ZNF662: variants seen among roughly 807,000 people sequenced by gnomAD.
ZNF662 encodes the protein zinc finger protein 662.
A neutral mutation model predicts 12.4 loss-of-function variants in ZNF662; 14 were observed. That is an observed-to-expected ratio of 1.13 (90% CI 0.75 to 1.77). The LOEUF (loss-of-function observed/expected upper bound fraction) is 1.77. ZNF662 is among the 40% of genes most tolerant of loss of function. ZNF662 has a pLI of 0.00. For synonymous variants in ZNF662, 184 were observed against 176.4 expected (o/e 1.04, Z -0.34); for missense variants, 550 against 515.6 (o/e 1.07, Z -0.65).
Position 42,915,841 on chromosome 3 carries a change from A to G in ZNF662, c.*487A>G, listed in dbSNP as rs1170867079. 1 of 150,564 alleles carries G rather than the reference A, an allele frequency of 6.6e-6. No individual in the cohort carries two copies. The highest frequency in any genetic ancestry group is 1.5e-5 in the Non-Finnish European group (1 of 67,712). The allele number at this position is 150,564 out of a possible 1,614,324, so 9.3% of individuals were successfully genotyped here. ...CTTTTAGTTTCCCTTCATCACTCAG[A>G]TCTAGCTCCTTCAACTAAGAAGATC... On this transcript the variant is annotated 3_prime_UTR_variant, in exon 5 of 5. Coordinates refer to ENST00000440367, the MANE Select transcript of ZNF662 (RefSeq NM_207404.4).
chr3:42,912,804 G>A (rs546410237), intron 3 of ZNF662, among the ~76,000 whole-genome samples: 1 of 143,018 alleles, frequency 7.0e-6, no homozygotes, highest in South Asian at 2.2e-4. Flanking sequence ...CAGTGACACA[G>A]TCTCGGCTCA....
At chr3:42,910,981 G>A (rs1386496135) in intron 3 of ZNF662, among the ~76,000 whole-genome samples, 3 of 152,182 alleles carry the variant, frequency 2.0e-5, no homozygotes, top group South Asian at 2.1e-4. Context: ...CTCTGTCTCC[G>A]TATGTGTTGG....
In ZNF662 at chr3:42,908,832, T is replaced by C. The variant is rs760003564; in HGVS notation, c.74T>C (p.Leu25Pro). 3.7e-6 allele frequency: 6 copies of C among 1,614,164 alleles called. No individual in the cohort carries two copies. Among genetic ancestry groups the C allele is most frequent in the Non-Finnish European group, 2.5e-6 (3 of 1,180,010 alleles). The change falls in exon 3 of 5, where the codon CTG becomes CCG. Residue 25 changes from leucine (L) to proline (P), a missense_variant. Coordinates refer to ENST00000440367, the MANE Select transcript of ZNF662 (RefSeq NM_207404.4). ...CCCAAACCGGCTCTGATTTCCCAGC[T>C]GGAGCGAGGGGAAACACCCTGGTGC... ...PFPKPALISQ[L>P]ERGETPWCSV...
rs368755947 is a variant in ZNF662, at chr3:42,914,786, A to T, written c.713A>T (p.His238Leu). The T allele has an allele frequency of 1.2e-6, 2 of 1,614,156 alleles. No individual in the cohort carries two copies. The change falls in exon 5 of 5, where the codon CAT (histidine) becomes CTT (leucine). Residue 238 changes from histidine (H) to leucine (L), a missense_variant. Physicochemically the swap from His to Leu is moderately conservative, Grantham distance 99. Coordinates refer to ENST00000440367, the MANE Select transcript of ZNF662 (RefSeq NM_207404.4). ...AGTTTTCGATCACATTGCATTGCAC[A>T]TCAGAGAATTCACAGTGGGGTGAAA... ...AFSFRSHCIA[H>L]QRIHSGVKPY...
chr3:42,912,720 A>ATTTTTTATATATATAGATATATATATATT (rs2088841576), intron 3 of ZNF662, among the ~76,000 whole-genome samples: 1 of 66,430 alleles, frequency 1.5e-5, no homozygotes, highest in Non-Finnish European at 2.8e-5. Context: ...ATATATATAT[A>ATTTTTTATATATATAGATATATATATATT]TTTTTTATAT....
At chr3:42,910,687 C>T (rs965452433) in intron 3 of ZNF662, among the ~76,000 whole-genome samples, 8 of 152,302 alleles carry the variant, frequency 5.3e-5, no homozygotes, top group South Asian at 4.1e-4. Flanking sequence ...GACTTTCTTA[C>T]TCTTAGTTTC....
rs1399079359 is a variant in ZNF662, at chr3:42,917,586, G to T, written c.*2232G>T. Reference sequence around the variant, plus strand: ...GCCACTAGACCAAGCTTTACCTGAAGCAGAGCTACCTCAGAACTTTTCAGC... The same window carrying T: ...GCCACTAGACCAAGCTTTACCTGAATCAGAGCTACCTCAGAACTTTTCAGC... On this transcript the variant is annotated 3_prime_UTR_variant, in exon 5 of 5. Coordinates refer to ENST00000440367, the MANE Select transcript of ZNF662 (RefSeq NM_207404.4). 18 of 700,402 alleles carry T rather than the reference G, an allele frequency of 2.6e-5. No individual in the cohort carries two copies. The highest frequency in any genetic ancestry group is 4.4e-5 in the Non-Finnish European group (17 of 384,402). 43.4% of individuals were successfully genotyped at this position (700,402 alleles called of 1,614,324 possible).
rs760981387 is a variant in ZNF662 at position 42,915,239 on chromosome 3, A to T, written c.1166A>T (p.Lys389Ile). The change falls in exon 5 of 5, where the codon AAA (lysine) becomes ATA (isoleucine). Residue 389 changes from lysine (K) to isoleucine (I), a missense_variant. Lys to Ile is a moderately radical substitution (Grantham distance 102). Transcript: ENST00000440367. The stretch of plus-strand genomic sequence containing the variant: ...ATCCATACTGGGGAAAGACCCTATA[A>T]ATGTAATGACTGTGGGAAGGCCTTC... ...QRIHTGERPY[K>I]CNDCGKAFSQ... is the part of the protein sequence containing the mutation. 1 of 1,613,928 alleles carries T rather than the reference A, an allele frequency of 6.2e-7. No individual in the cohort carries two copies. The highest frequency in any genetic ancestry group is 1.1e-5 in the South Asian group (1 of 91,060).
chr3:42,907,933 C>A, intron 1 of ZNF662, 89 bp from the exon 2 acceptor site: 1 of 1,504,958 alleles, frequency 6.6e-7, no homozygotes. Flanking sequence ...CCACAGGCAC[C>A]CCCACAGTAC....
rs1402176646 is a variant in ZNF662 at position 42,908,350 on chromosome 3, C to G, written c.34+202C>G. ...GGGCCTTATACAGGACTTCCTTGCT[C>G]CAGAGTGAGAGGTGCCAAACCCCTA... On this transcript the variant is annotated intron_variant, in intron 2 of 4. Coordinates refer to ENST00000440367, the MANE Select transcript of ZNF662 (RefSeq NM_207404.4). 16 of 1,357,822 alleles carry G rather than the reference C, an allele frequency of 1.2e-5. No individual in the cohort carries two copies. The East Asian group carries it at 2.1e-4, about 18-fold the overall frequency. 84.1% of individuals were successfully genotyped at this position (1,357,822 alleles called of 1,614,324 possible). A position where few individuals can be genotyped will look rare whatever the true frequency, so the allele number is the denominator to read the frequency against.
At chr3:42,913,103 A>C in intron 3 of ZNF662, 98 bp from the exon 4 acceptor site, 2 of 801,722 alleles carry the variant, frequency 2.5e-6, no homozygotes, top group Non-Finnish European at 4.2e-6. Flanking sequence ...CTTTTCACCC[A>C]CCTTTATTCT....
chr3:42,909,838 G>A (rs551212039), intron 3 of ZNF662, among the ~76,000 whole-genome samples: 18 of 151,580 alleles, frequency 1.2e-4, no homozygotes, highest in East Asian at 7.9e-4. Context: ...ACGGGGTCGC[G>A]GCCAGGCAGA....
At chr3:42,913,337 T>C (rs1361370627) in intron 4 of ZNF662, 35 bp downstream of exon 4, 1 of 1,507,344 alleles carries the variant, frequency 6.6e-7, no homozygotes, top group African/African-American at 1.4e-5. Context: ...CTTCTCTCAG[T>C]CACATCTTTT....
rs1356114965 is a variant in ZNF662 at position 42,915,343 on chromosome 3, C to A, written c.1270C>A (p.Leu424Ile). ...KPYNCQISHL[L>I]EH ...CTATAACTGTCAGATCTCTCACCTT[C>A]TTGAACATTAGAGAGTGCATAATGG... Residue 424 changes from leucine to isoleucine, a missense_variant, in exon 5 of 5, where the codon CTT (leucine) becomes ATT (isoleucine). Physicochemically the swap from Leu to Ile is conservative, Grantham distance 5. Coordinates refer to ENST00000440367, the MANE Select transcript of ZNF662 (RefSeq NM_207404.4). 1.3e-6 allele frequency: 2 copies of A among 1,566,150 alleles called. No individual in the cohort carries two copies. The highest frequency in any genetic ancestry group is 1.9e-5 in the Admixed American group (1 of 53,094).
intron 3 of ZNF662, among the ~76,000 whole-genome samples, chr3:42,910,959 C>G (rs9311329): frequency 6.6e-6 from 1 of 152,160 alleles, no homozygotes; most frequent in South Asian, 2.1e-4. Context: ...TTGATCAGAA[C>G]TACATTCTCT....
rs2088718872 is a variant in ZNF662 at position 42,908,621 on chromosome 3, G to T, written c.35-172G>T. On this transcript the variant is annotated intron_variant, in intron 2 of 4. Transcript: ENST00000440367. ...GTCGTCTGTCAACTTCCTGACCTTT[G>T]TAAGTCTCCTGGCCCCTCTCTTGTC... 7.6e-6 allele frequency: 11 copies of T among 1,454,940 alleles called. No individual in the cohort carries two copies. In the East Asian group the frequency reaches 2.4e-4, roughly 32 times the overall value. The allele number at this position is 1,454,940 out of a possible 1,614,324, so 90.1% of individuals were successfully genotyped here.
chr3:42,916,526 G>C lies in ZNF662; in HGVS notation c.*1172G>C, dbSNP rs1366000361. On this transcript the variant is annotated 3_prime_UTR_variant, in exon 5 of 5. Coordinates refer to ENST00000440367, the MANE Select transcript of ZNF662 (RefSeq NM_207404.4). ...ACTACAGGTGCCCGCCACCATGCCT[G>C]GCTAATATTTTTTATTTTTAGTAGA... 1 of 151,920 alleles carries C rather than the reference G, an allele frequency of 6.6e-6. No homozygotes were observed. Among genetic ancestry groups the C allele is most frequent in the Non-Finnish European group, 1.5e-5 (1 of 68,082 alleles). 9.4% of individuals were successfully genotyped at this position (151,920 alleles called of 1,614,324 possible).
chr3:42,913,110 T>G, intron 3 of ZNF662, 91 bp from the exon 4 acceptor site: 1 of 872,092 alleles, frequency 1.1e-6, no homozygotes, highest in Non-Finnish European at 1.9e-6. Context: ...CCCACCTTTA[T>G]TCTCTCCCTA....
chr3:42,912,627 ATATT>A (rs1336032214), intron 3 of ZNF662, among the ~76,000 whole-genome samples: 15 of 93,698 alleles, frequency 1.6e-4, no homozygotes, highest in Admixed American at 4.8e-4. Flanking sequence ...TATAAAATAT[ATATT>A]TATATATTTT....
Sources: allele counts gnomAD v4.1 joint callset (sites outside exome capture counted in the v4.1 genomes callset), GRCh38; gene constraint gnomAD v4.1.1; transcripts MANE v1.5; gene names NCBI Gene and HGNC (gene_info 2026-07-23, HGNC 2026-07-21).